TAFA5: variants seen among roughly 807,000 people sequenced by gnomAD.
TAFA5 encodes TAFA chemokine like family member 5, also known as chemokine-like protein TAFA-5.
Under a neutral mutation model 15.3 loss-of-function variants are expected in TAFA5, and 6 were observed. The ratio of observed to expected loss-of-function variants is 0.39; its 90% CI spans 0.21 to 0.77. TAFA5 has a LOEUF of 0.77. Among genes scored for constraint, TAFA5 ranks in the 30% least tolerant of loss-of-function variants. The pLI is 0.41. For synonymous variants in TAFA5, 103 were observed against 80.7 expected (o/e 1.28, Z -1.48); for missense variants, 161 against 193.1 (o/e 0.83, Z 0.98).
chr22:48,560,477 G>A lies in TAFA5; in HGVS notation c.112+70773G>A, dbSNP rs1484113242. 5.3e-5 allele frequency among the ~76,000 whole-genome samples: 8 copies of A among 152,142 alleles called. No individual in the cohort carries two copies. In the East Asian group the frequency reaches 9.6e-4, roughly 18 times the overall value. ...CCGGGCAAGGACAGTGCCAGCAGGC[G>A]CCCCCAGTGTGAACTAATGTGAGGT... On this transcript the variant is annotated intron_variant, in intron 1 of 3. Transcript: ENST00000402357. The surrounding 1 kb of genome is among the most constrained non-coding windows in gnomAD (Gnocchi z 4.2).
At chr22:48,618,216 C>T (rs1311467381) in intron 1 of TAFA5, among the ~76,000 whole-genome samples, 1 of 152,150 alleles carries the variant, frequency 6.6e-6, no homozygotes, top group African/African-American at 2.4e-5. Flanking sequence ...CTGGAAGTCT[C>T]TACACCTGCC....
chr22:48,708,686 T>TG (rs1454187740), intron 3 of TAFA5, among the ~76,000 whole-genome samples: 18 of 152,106 alleles, frequency 1.2e-4, no homozygotes, highest in Admixed American at 1.2e-3. Context: ...AGGACGTGAG[T>TG]GGGTGAGCGT....
chr22:48,505,550 G>C (rs568253128), intron 1 of TAFA5, among the ~76,000 whole-genome samples: 3 of 152,338 alleles, frequency 2.0e-5, no homozygotes, highest in African/African-American at 7.2e-5. Flanking sequence ...CTGCCCCAAG[G>C]GGGGCTGTGG....
At chr22:48,533,425 T>C (rs4823538) in intron 1 of TAFA5, among the ~76,000 whole-genome samples, 138,180 of 152,264 alleles carry the variant, frequency 0.91, 63,136 homozygotes, top group Middle Eastern at 0.98. Context: ...GGGCAGGCCC[T>C]GGTGGGGCTC....
intron 2 of TAFA5, among the ~76,000 whole-genome samples, chr22:48,707,195 G>C (rs573859352): frequency 6.6e-6 from 1 of 152,168 alleles, no homozygotes; most frequent in African/African-American, 2.4e-5. Context: ...GGGGCCAGGG[G>C]TGGTTGTAAA....
intron 1 of TAFA5, among the ~76,000 whole-genome samples, chr22:48,555,234 G>T (rs754343754): frequency 3.3e-5 from 5 of 152,222 alleles, no homozygotes; most frequent in Admixed American, 2.0e-4. Flanking sequence ...ATACTGGCTG[G>T]TGGCATGGGG....
intron 1 of TAFA5, among the ~76,000 whole-genome samples, chr22:48,621,343 T>C (rs1473026907): frequency 2.0e-5 from 3 of 150,374 alleles, no homozygotes; most frequent in African/African-American, 4.9e-5. Context: ...CCATCCCTGC[T>C]TCCATCATTT....
intron 3 of TAFA5, among the ~76,000 whole-genome samples, chr22:48,746,389 G>A (rs1930328666): frequency 6.6e-6 from 1 of 152,158 alleles, no homozygotes; most frequent in African/African-American, 2.4e-5. Flanking sequence ...AGTTGCTCAG[G>A]AGGCTGAGGT....
intron 1 of TAFA5, among the ~76,000 whole-genome samples, chr22:48,639,268 C>T (rs60663989): frequency 0.023 from 3,525 of 152,322 alleles, 131 homozygotes; most frequent in African/African-American, 0.081. Flanking sequence ...TCACCTCGGG[C>T]CGCCCCCTGC....
intron 1 of TAFA5, among the ~76,000 whole-genome samples, chr22:48,589,630 T>C (rs953764607): frequency 3.9e-5 from 6 of 152,178 alleles, no homozygotes; most frequent in African/African-American, 1.4e-4. Flanking sequence ...GTTCTCAAGA[T>C]GATGGTGCCT....
intron 2 of TAFA5, among the ~76,000 whole-genome samples, chr22:48,651,393 C>T (rs1364708804): frequency 6.6e-6 from 1 of 152,182 alleles, no homozygotes; most frequent in Admixed American, 6.5e-5. Flanking sequence ...GAGGCTGTGC[C>T]CAGGAAGGGG....
intron 2 of TAFA5, among the ~76,000 whole-genome samples, chr22:48,695,281 A>G (rs544793335): frequency 6.6e-6 from 1 of 151,930 alleles, no homozygotes; most frequent in South Asian, 2.1e-4. Flanking sequence ...CTCGAGGGAC[A>G]CTCTTCTGGG....
intron 1 of TAFA5, among the ~76,000 whole-genome samples, chr22:48,638,609 C>T (rs1006594740): frequency 7.8e-6 from 1 of 127,744 alleles, no homozygotes; most frequent in African/African-American, 3.0e-5. Context: ...ATACCCCTCC[C>T]CTGACACTAA....
chr22:48,581,847 G>A (rs1924056690), intron 1 of TAFA5, among the ~76,000 whole-genome samples: 8 of 152,164 alleles, frequency 5.3e-5, no homozygotes, highest in Admixed American at 5.2e-4. Flanking sequence ...CGCAGGCAGT[G>A]GTGTTCCTGT....
At chr22:48,688,839 A>G (rs1376460224) in intron 2 of TAFA5, among the ~76,000 whole-genome samples, 1 of 152,034 alleles carries the variant, frequency 6.6e-6, no homozygotes, top group Non-Finnish European at 1.5e-5. Context: ...AAAAATATAA[A>G]AAACTAGCCA....
At chr22:48,538,995 C>T (rs6008752) in intron 1 of TAFA5, 5 of 183,860 alleles carry the variant, frequency 2.7e-5, no homozygotes, top group Non-Finnish European at 4.6e-5. Flanking sequence ...ACGTATTTGT[C>T]GGGGGGATAC....
At chr22:48,670,739 TG>T (rs1927777352) in intron 2 of TAFA5, among the ~76,000 whole-genome samples, 1 of 152,234 alleles carries the variant, frequency 6.6e-6, no homozygotes, top group African/African-American at 2.4e-5. Context: ...TGAGGCATTT[TG>T]TCATGGCCTG....
intron 2 of TAFA5, among the ~76,000 whole-genome samples, chr22:48,683,177 G>A (rs1031218174): frequency 5.9e-5 from 9 of 152,202 alleles, no homozygotes; most frequent in South Asian, 2.1e-4. Flanking sequence ...CTTGGTAAAC[G>A]CACACACACA....
intron 1 of TAFA5, among the ~76,000 whole-genome samples, chr22:48,529,236 TC>T (rs1921883081): frequency 5.1e-5 from 2 of 39,488 alleles, no homozygotes; most frequent in Non-Finnish European, 5.0e-5. Flanking sequence ...ATGGGGGTGT[TC>T]AGGCAGGAGA....
Sources: allele counts gnomAD v4.1 joint callset (sites outside exome capture counted in the v4.1 genomes callset), GRCh38; gene constraint gnomAD v4.1.1; non-coding constraint Gnocchi (gnomAD v3.1); transcripts MANE v1.5; gene names NCBI Gene and HGNC (gene_info 2026-07-23, HGNC 2026-07-21).